PRKDC: variants seen among roughly 807,000 people sequenced by gnomAD.
PRKDC encodes protein kinase, DNA-activated, catalytic subunit.
PRKDC carries 82 observed loss-of-function variants against 486.9 expected under a neutral mutation model. The observed-to-expected ratio is 0.17, with a 90% CI of 0.14 to 0.20. The LOEUF is 0.20. Ranked by LOEUF, PRKDC falls within the 10% of genes least tolerant of loss-of-function variation. The probability of loss-of-function intolerance (pLI) is 1.00; values close to 1 mark genes in which losing one functional copy is unlikely to be tolerated. For synonymous variants in PRKDC, 1,895 were observed against 1,837.0 expected (o/e 1.03, Z -0.81); for missense variants, 4,504 against 5,038.2 (o/e 0.89, Z 3.21).
intron 58 of PRKDC, among the ~76,000 whole-genome samples, chr8:47,835,490 G>A (rs2087994790): frequency 2.0e-5 from 3 of 151,338 alleles, no homozygotes; most frequent in Admixed American, 1.3e-4. Flanking sequence ...GGTGGTGCGC[G>A]CCTGTAGTTC....
At chr8:47,939,941 CA>C (rs1482175733) in intron 10 of PRKDC, 1 of 130,496 alleles carries the variant, frequency 7.7e-6, no homozygotes, top group Non-Finnish European at 1.5e-5. Context: ...CAAGGATACA[CA>C]TAAGTCTGAA....
rs370260992 is a variant in PRKDC, at chr8:47,834,218, G to C, written c.8130C>G (p.Asp2710Glu). Residue 2710 changes from aspartate to glutamate, a missense_variant, in exon 59 of 86, where the codon GAC (aspartate) becomes GAG (glutamate). This residue lies in a region of PRKDC where 1,592 missense variants were observed against 1,724.6 expected (regional missense o/e 0.92). Coordinates refer to ENST00000314191, the MANE Select transcript of PRKDC (RefSeq NM_006904.7). ...FGKKRLGLPGDEVDNKVKGAA... is the reference protein window; with the variant it reads ...FGKKRLGLPGEEVDNKVKGAA... The stretch of plus-strand genomic sequence containing the variant: ...TACCTTTCACTTTGTTATCCACCTC[G>C]TCCCCTGGAAGGCCCAGCCTTTTTT... The C allele has an allele frequency of 1.9e-6, 3 of 1,613,936 alleles. No individual in the cohort carries two copies. The Admixed American group carries it at 5.0e-5, about 27-fold the overall frequency.
rs368586692 is a variant in PRKDC at position 47,897,197 on chromosome 8, T to C, written c.3562A>G (p.Ile1188Val). 1.2e-6 allele frequency: 2 copies of C among 1,605,914 alleles called. No homozygotes were observed. Among genetic ancestry groups the C allele is most frequent in the East Asian group, 2.2e-5 (1 of 44,700 alleles). Residue 1188 changes from isoleucine (I) to valine (V), a missense_variant, in exon 30 of 86, where the codon ATT becomes GTT. Physicochemically the swap from Ile to Val is conservative, Grantham distance 29. Around this residue, in one of 6 missense-constraint regions of PRKDC, gnomAD observed 1,969 missense variants for 2,068.9 expected, o/e 0.95. Coordinates refer to ENST00000314191, the MANE Select transcript of PRKDC (RefSeq NM_006904.7). Reference protein sequence around the residue: ...RPQTECRHKSIELFYKFVPLL... With the variant: ...RPQTECRHKSVELFYKFVPLL... Reference sequence around the variant, plus strand: ...GGAACGAATTTATAAAAGAGTTCAATGGATTTGTGTCGACATTCTGTCTGG... The same window carrying C: ...GGAACGAATTTATAAAAGAGTTCAACGGATTTGTGTCGACATTCTGTCTGG...
At chr8:47,928,172 T>G (rs1465886031) in intron 19 of PRKDC, among the ~76,000 whole-genome samples, 1 of 151,440 alleles carries the variant, frequency 6.6e-6, no homozygotes, top group Non-Finnish European at 1.5e-5. Flanking sequence ...TTTTTTTTTT[T>G]TGTAAGATAG....
chr8:47,929,367 G>A (rs2090211235), intron 18 of PRKDC, among the ~76,000 whole-genome samples, 189 bp from the exon 19 acceptor site: 1 of 152,254 alleles, frequency 6.6e-6, no homozygotes. Flanking sequence ...GAGGAGGGAA[G>A]GTGGCAGCTA....
chr8:47,774,710 C>T lies in PRKDC; in HGVS notation c.12183-333G>A, dbSNP rs8178267. The stretch of plus-strand genomic sequence containing the variant: ...CAGCAGCTGCACCTTTTCCCACTCC[C>T]ACCAGCAGAGTATGAGGAGTCCACC... On this transcript the variant is annotated intron_variant, in intron 85 of 85. Coordinates refer to ENST00000314191, the MANE Select transcript of PRKDC (RefSeq NM_006904.7). 9.9e-3 allele frequency among the ~76,000 whole-genome samples: 1,510 copies of T among 152,240 alleles called. 29 individuals carry two copies. The highest frequency in any genetic ancestry group is 0.034 in the African/African-American group (1,395 of 41,530).
At chr8:47,822,624 A>G (rs2087627972) in intron 64 of PRKDC, among the ~76,000 whole-genome samples, 1 of 151,840 alleles carries the variant, frequency 6.6e-6, no homozygotes, top group Non-Finnish European at 1.5e-5. Flanking sequence ...CCCCATCTCT[A>G]CTAAAAATAC....
At chr8:47,957,961 C>A (rs1329096602) in intron 1 of PRKDC, among the ~76,000 whole-genome samples, 1 of 152,198 alleles carries the variant, frequency 6.6e-6, no homozygotes, top group East Asian at 1.9e-4. Flanking sequence ...GCATCCCAAT[C>A]CCTGGGGTCA....
intron 44 of PRKDC, 89 bp downstream of exon 44, chr8:47,861,973 G>C (rs1221251147): frequency 9.3e-7 from 1 of 1,077,132 alleles, no homozygotes; most frequent in Non-Finnish European, 1.3e-6. Context: ...AAGCCGACTT[G>C]AATATTGGCA....
chr8:47,834,605 T>G (rs1325093817), intron 58 of PRKDC, among the ~76,000 whole-genome samples: 1 of 151,962 alleles, frequency 6.6e-6, no homozygotes, highest in African/African-American at 2.4e-5. Context: ...TGTCCCCATT[T>G]GTAAAGTAAG....
chr8:47,896,038 C>CG (rs2089573788), intron 30 of PRKDC, among the ~76,000 whole-genome samples: 1 of 151,394 alleles, frequency 6.6e-6, no homozygotes, highest in African/African-American at 2.4e-5. Context: ...GACTCTGTCT[C>CG]GGGGGAAAAA....
chr8:47,820,678 C>T (rs1563751350), intron 66 of PRKDC, 41 bp downstream of exon 66: 1 of 920,650 alleles, frequency 1.1e-6, no homozygotes, highest in South Asian at 3.4e-5. Context: ...TATATATACA[C>T]TATATATATA....
Position 47,879,605 on chromosome 8 carries a change from C to A in PRKDC, c.5121G>T (p.Leu1707=), listed in dbSNP as rs2089166011. 1 of 1,592,470 alleles carries A rather than the reference C, an allele frequency of 6.3e-7. No individual in the cohort carries two copies. The highest frequency in any genetic ancestry group is 8.5e-7 in the Non-Finnish European group (1 of 1,170,086). The change falls in exon 39 of 86, where the codon CTG becomes CTT. Residue 1707 remains leucine, a synonymous_variant. Coordinates refer to ENST00000314191, the MANE Select transcript of PRKDC (RefSeq NM_006904.7). ...GCTCCAGAACACGTCTAAGTTCCTC[C>A]AGACTGCCTCCAGTGAGGCTGGTGA... ...PFFTSLTGGS[L]EELRRVLEQL...
At position 47,839,154 on chromosome 8, in the gene PRKDC, C is replaced by T; in HGVS notation, c.7547G>A (p.Gly2516Glu). 6.2e-7 allele frequency: 1 copy of T among 1,611,938 alleles called. No homozygotes were observed. The highest frequency in any genetic ancestry group is 8.5e-7 in the Non-Finnish European group (1 of 1,178,084). Reference protein sequence around the residue: ...LIQGLIDENPGLQLIIRNFWS... With the variant: ...LIQGLIDENPELQLIIRNFWS... ...AGCCCAGTTATTCACGTACTGAAGT[C>T]CAGGGTTCTCATCGATCAATCCTTG... Residue 2516 changes from glycine to glutamate, a missense_variant, in exon 56 of 86, where the codon GGA becomes GAA. Coordinates refer to ENST00000314191, the MANE Select transcript of PRKDC (RefSeq NM_006904.7).
At position 47,879,559 on chromosome 8, in the gene PRKDC, G is replaced by A; in HGVS notation, c.5167C>T (p.Pro1723Ser). The A allele has an allele frequency of 1.3e-6, 2 of 1,598,646 alleles. No individual in the cohort carries two copies. Among genetic ancestry groups the A allele is most frequent in the Non-Finnish European group, 1.7e-6 (2 of 1,172,238 alleles). The change falls in exon 39 of 86, where the codon CCC (proline) becomes TCC (serine). Residue 1723 changes from proline to serine, a missense_variant. Physicochemically the swap from Pro to Ser is moderately conservative, Grantham distance 74 (BLOSUM62 -1). Transcript: ENST00000314191. ...GGAGGAAATTCCCTGGACTGCATGG[G>A]GAAGTGAGCAACGATGAGCTGCTCC... ...VLEQLIVAHF[P>S]MQSREFPPGT...
rs760472666 is a variant in PRKDC, at chr8:47,934,074, G to C, written c.1514C>G (p.Ser505Cys). 6.2e-7 allele frequency: 1 copy of C among 1,613,518 alleles called. No homozygotes were observed. Among genetic ancestry groups the C allele is most frequent in the Non-Finnish European group, 8.5e-7 (1 of 1,179,654 alleles). Residue 505 changes from serine (S) to cysteine (C), a missense_variant, in exon 15 of 86, where the codon TCT becomes TGT. Transcript: ENST00000314191. ...VVLPKGPESE[S>C]EDHRASGEVR... The stretch of plus-strand genomic sequence containing the variant: ...TTCCCCTGAAGCACGGTGGTCTTCA[G>C]ATTCAGACTCAGGGCCCTGGCCAGA...
intron 68 of PRKDC, among the ~76,000 whole-genome samples, chr8:47,810,844 G>A (rs567557459): frequency 6.6e-6 from 1 of 152,176 alleles, no homozygotes; most frequent in African/African-American, 2.4e-5. Flanking sequence ...GAAAATAACA[G>A]TAAGATTGAA....
intron 85 of PRKDC, among the ~76,000 whole-genome samples, chr8:47,776,043 C>T (rs954223795): frequency 1.2e-4 from 19 of 152,066 alleles, no homozygotes; most frequent in Admixed American, 9.8e-4. Flanking sequence ...AGGGTGGTCT[C>T]GAACTCCTGA....
Position 47,902,557 on chromosome 8 carries a change from T to C in PRKDC, c.3269+12A>G. 4.6e-6 allele frequency: 7 copies of C among 1,526,928 alleles called. No individual in the cohort carries two copies. Among genetic ancestry groups the C allele is most frequent in the Non-Finnish European group, 6.2e-6 (7 of 1,136,982 alleles). The allele number at this position is 1,526,928 out of a possible 1,614,324, so 94.6% of individuals were successfully genotyped here. A position where few individuals can be genotyped will look rare whatever the true frequency, so the allele number is the denominator to read the frequency against. ...CCACAAGTTTCTCTTCTCTGTTGTG[T>C]AGCTTACAAACCTGAATTCCCTGTA... On this transcript the variant is annotated intron_variant, in intron 27 of 85. Transcript: ENST00000314191.
Sources: gnomAD v4.1 joint callset for allele counts (sites outside exome capture counted in the v4.1 genomes callset) on GRCh38, gnomAD v4.1.1 for gene constraint, gnomAD v4.1.1 regional missense constraint, MANE v1.5 for transcripts, NCBI Gene and HGNC (gene_info 2026-07-23, HGNC 2026-07-21) for gene names.